Variants in ZNF160 observed in about 807,000 individuals in gnomAD.
ZNF160 encodes the protein KRAB zinc finger protein KR18.
A neutral mutation model predicts 13.1 loss-of-function variants in ZNF160; 9 were observed. That is an observed-to-expected ratio of 0.69 (90% CI 0.41 to 1.20). ZNF160 has a LOEUF of 1.20. ZNF160 is among the 50% of genes most tolerant of loss of function. The pLI is 0.01. For missense variants in ZNF160, 838 were observed against 988.0 expected (o/e 0.85, Z 2.04); for synonymous variants, 293 against 333.2 (o/e 0.88, Z 1.31).
intron 2 of ZNF160, 122 bp from the exon 3 acceptor site, chr19:53,086,443 G>A: frequency 1.3e-6 from 1 of 755,554 alleles, no homozygotes; most frequent in Non-Finnish European, 1.9e-6. Context: ...CTCACCCTGT[G>A]GAAAGATGGT....
intron 3 of ZNF160, among the ~76,000 whole-genome samples, chr19:53,084,094 C>T (rs1040915718): frequency 1.3e-5 from 2 of 151,882 alleles, no homozygotes. Context: ...GAGGTTACCT[C>T]GAGAAACAGC....
At chr19:53,085,010 G>T in intron 3 of ZNF160, 1 of 182,540 alleles carries the variant, frequency 5.5e-6, no homozygotes, top group Non-Finnish European at 1.0e-5. Context: ...CTGAAGTGCA[G>T]TGGCACTATC....
chr19:53,085,330 G>T lies in ZNF160; in HGVS notation c.15+932C>A, dbSNP rs1392417784. The T allele has an allele frequency of 1.0e-5, 5 of 486,540 alleles. No individual in the cohort carries two copies. The African/African-American group carries it at 1.1e-4, about 10-fold the overall frequency. The allele number at this position is 486,540 out of a possible 1,614,324, so 30.1% of individuals were successfully genotyped here. The stretch of plus-strand genomic sequence containing the variant: ...AATGATGTCAAAATACATTTCTACA[G>T]GACTTGCACTGACCCTTCCCACAGA... On this transcript the variant is annotated intron_variant, in intron 3 of 5. Transcript: ENST00000683776.
intron 3 of ZNF160, among the ~76,000 whole-genome samples, chr19:53,083,578 C>A (rs531424181): frequency 4.6e-5 from 7 of 152,096 alleles, no homozygotes; most frequent in African/African-American, 1.2e-4. Context: ...AATGTGTAAT[C>A]GAAAGGAAGA....
chr19:53,082,298 C>A (rs1165362823), intron 3 of ZNF160, among the ~76,000 whole-genome samples: 2 of 152,102 alleles, frequency 1.3e-5, no homozygotes, highest in Non-Finnish European at 2.9e-5. Flanking sequence ...AAAGTACGTA[C>A]CAATGTACAC....
chr19:53,070,067 A>G lies in ZNF160; in HGVS notation c.467T>C (p.Leu156Pro), dbSNP rs2084110170. Residue 156 changes from leucine (L) to proline (P), a missense_variant, in exon 6 of 6, where the codon CTT (leucine) becomes CCT (proline). Transcript: ENST00000683776. ...RDDTGNYKGV[L>P]MAQKEGKRDQ... Reference sequence around the variant, plus strand: ...TCTTTTACCTTCTTTCTGGGCCATAAGCACTCCCTTGTAATTTCCTGTGTC... The same window carrying G: ...TCTTTTACCTTCTTTCTGGGCCATAGGCACTCCCTTGTAATTTCCTGTGTC... The G allele has an allele frequency of 1.2e-6, 2 of 1,614,100 alleles. No individual in the cohort carries two copies. The highest frequency in any genetic ancestry group is 1.7e-6 in the Non-Finnish European group (2 of 1,180,016).
At chr19:53,089,983 G>GTCCCAA (rs2084974673) in intron 2 of ZNF160, among the ~76,000 whole-genome samples, 4 of 151,124 alleles carry the variant, frequency 2.6e-5, no homozygotes, top group African/African-American at 7.3e-5. Context: ...ACTTTTCATT[G>GTCCCAA]TCCCAATCCC....
Position 53,069,268 on chromosome 19 carries a change from T to C in ZNF160, c.1266A>G (p.Glu422=). 1 of 1,612,366 alleles carries C rather than the reference T, an allele frequency of 6.2e-7. No homozygotes were observed. The highest frequency in any genetic ancestry group is 8.5e-7 in the Non-Finnish European group (1 of 1,178,820). Residue 422 remains glutamate, a synonymous_variant, in exon 6 of 6, where the codon GAA becomes GAG. Transcript: ENST00000683776. The surrounding 1 kb of genome is among the most constrained non-coding windows in gnomAD (Gnocchi z 4.4). ...CACATTCATTACATTTGTAAGGTTT[T>C]TCTCCAGTGTGGATTGTCTGATGGA... ...LAIHQTIHTG[E]KPYKCNECGK... is the part of the protein sequence containing the mutation.
Position 53,067,855 on chromosome 19 carries a change from T to C in ZNF160, c.*222A>G, listed in dbSNP as rs2084013748. The C allele has an allele frequency of 1.9e-6, 1 of 530,614 alleles. No individual in the cohort carries two copies. Among genetic ancestry groups the C allele is most frequent in the Non-Finnish European group, 3.1e-6 (1 of 318,300 alleles). 32.9% of individuals were successfully genotyped at this position (530,614 alleles called of 1,614,324 possible). A position where few individuals can be genotyped will look rare whatever the true frequency, so the allele number is the denominator to read the frequency against. Reference sequence around the variant, plus strand: ...CAGGATGCATATTACATTTGTTTCGTTTCATCAAAGATATAAATCTTGATG... The same window carrying C: ...CAGGATGCATATTACATTTGTTTCGCTTCATCAAAGATATAAATCTTGATG... On this transcript the variant is annotated 3_prime_UTR_variant, in exon 6 of 6. Coordinates refer to ENST00000683776, the MANE Select transcript of ZNF160 (RefSeq NM_001322131.2).
intron 3 of ZNF160, 197 bp from the exon 4 acceptor site, chr19:53,075,380 A>C: frequency 1.7e-6 from 1 of 602,386 alleles, no homozygotes; most frequent in Non-Finnish European, 2.9e-6. Context: ...AAATCAGTGG[A>C]GTGATAAGTA....
chr19:53,077,244 C>T (rs2084428014), intron 3 of ZNF160: 1 of 152,154 alleles, frequency 6.6e-6, no homozygotes, highest in East Asian at 1.9e-4. Context: ...GAGGACGCAT[C>T]CTTAGAAAAG....
chr19:53,103,073 T>C (rs1373634583), intron 1 of ZNF160, among the ~76,000 whole-genome samples, 192 bp downstream of exon 1: 2 of 152,066 alleles, frequency 1.3e-5, no homozygotes, highest in Non-Finnish European at 2.9e-5. Flanking sequence ...GTGAGGACTT[T>C]AAGCGATGCG....
chr19:53,085,938 C>T (rs1312936206), intron 3 of ZNF160: 19 of 1,074,394 alleles, frequency 1.8e-5, no homozygotes, highest in Admixed American at 2.0e-5. Context: ...GTTTACACAG[C>T]GCTGACAGTG....
chr19:53,090,101 C>A (rs1166682580), intron 2 of ZNF160, among the ~76,000 whole-genome samples: 1 of 151,714 alleles, frequency 6.6e-6, no homozygotes, highest in African/African-American at 2.4e-5. Flanking sequence ...CTCTCTGGCA[C>A]CCCCAGATCC....
intron 2 of ZNF160, among the ~76,000 whole-genome samples, chr19:53,089,248 T>G (rs1231569668): frequency 6.6e-6 from 1 of 152,202 alleles, no homozygotes; most frequent in Admixed American, 6.5e-5. Flanking sequence ...TAATTCTAGC[T>G]GGACAGTGTC....
In ZNF160 at chr19:53,069,276, T is replaced by A; in HGVS notation, c.1258A>T (p.Thr420Ser). 6.2e-7 allele frequency: 1 copy of A among 1,612,354 alleles called. No individual in the cohort carries two copies. Residue 420 changes from threonine (T) to serine (S), a missense_variant, in exon 6 of 6, where the codon ACT becomes TCT. Thr to Ser is a moderately conservative substitution (Grantham distance 58). Around this residue, in one of 3 missense-constraint regions of ZNF160, gnomAD observed 400 missense variants for 538.9 expected, o/e 0.74. Coordinates refer to ENST00000683776, the MANE Select transcript of ZNF160 (RefSeq NM_001322131.2). This position sits in a 1 kb window ranked among gnomAD's most constrained non-coding sequence, Gnocchi z 4.4. ...SSLAIHQTIH[T>S]GEKPYKCNEC... The stretch of plus-strand genomic sequence containing the variant: ...TTACATTTGTAAGGTTTTTCTCCAG[T>A]GTGGATTGTCTGATGGATTGCTAGG...
chr19:53,086,370 ATATGCTGCTTAGGGCTGAGAATC>A lies in ZNF160; in HGVS notation c.-45-72_-45-50del. On this transcript the variant is annotated intron_variant, in intron 2 of 5. Coordinates refer to ENST00000683776, the MANE Select transcript of ZNF160 (RefSeq NM_001322131.2). Reference sequence around the variant, plus strand: ...TAGAAGTCAATACTGAATATCCAAAATATGCTGCTTAGGGCTGAGAATCTATACATCCCCTTCATGTGCCACAG... The same window carrying A: ...TAGAAGTCAATACTGAATATCCAAAATATACATCCCCTTCATGTGCCACAG... 14 of 1,486,594 alleles carry A rather than the reference ATATGCTGCTTAGGGCTGAGAATC, an allele frequency of 9.4e-6. No homozygotes were observed. In the South Asian group the frequency reaches 1.9e-4, roughly 20 times the overall value. The allele number at this position is 1,486,594 out of a possible 1,614,324, so 92.1% of individuals were successfully genotyped here.
rs541783831 is a variant in ZNF160 at position 53,100,142 on chromosome 19, CA to C, written c.-354+3122del. ...CAGCTATAGAGATGAGCTCTCTCAG[CA>C]AATTTTTTCATGAACACATAAGCTC... On this transcript the variant is annotated intron_variant, in intron 1 of 5. Coordinates refer to ENST00000683776, the MANE Select transcript of ZNF160 (RefSeq NM_001322131.2). Among the ~76,000 whole-genome samples the C allele has an allele frequency of 5.3e-5, 8 of 152,306 alleles. No individual in the cohort carries two copies. In the South Asian group the frequency reaches 1.7e-3, roughly 32 times the overall value.
In ZNF160 at chr19:53,085,205, T is replaced by A. The variant is rs1034001116; in HGVS notation, c.15+1057A>T. 9.1e-6 allele frequency: 9 copies of A among 985,308 alleles called. No homozygotes were observed. In the African/African-American group the frequency reaches 1.4e-4, roughly 15 times the overall value. 61.0% of individuals were successfully genotyped at this position (985,308 alleles called of 1,614,324 possible). On this transcript the variant is annotated intron_variant, in intron 3 of 5. Transcript: ENST00000683776. ...ATGCTCCAACAAGGATGTAGAAAAGTGAGCTCCTGTTTCCTAACACGAAAA... is the reference window on the plus strand; with the variant it reads ...ATGCTCCAACAAGGATGTAGAAAAGAGAGCTCCTGTTTCCTAACACGAAAA...
Sources: gnomAD v4.1 joint callset for allele counts (sites outside exome capture counted in the v4.1 genomes callset) on GRCh38, gnomAD v4.1.1 for gene constraint, gnomAD v4.1.1 regional missense constraint, Gnocchi (gnomAD v3.1) non-coding constraint, MANE v1.5 for transcripts, NCBI Gene and HGNC (gene_info 2026-07-23, HGNC 2026-07-21) for gene names.